INSL6: variants seen among roughly 807,000 people sequenced by gnomAD.
INSL6 encodes insulin-like peptide INSL6.
Under a neutral mutation model 9.4 loss-of-function variants are expected in INSL6, and 16 were observed. The ratio of observed to expected loss-of-function variants is 1.70; its 90% CI spans 1.15 to 2.59. The LOEUF is 2.59. INSL6 is among the 30% of genes most tolerant of loss of function. INSL6 has a pLI of 0.00. For missense variants in INSL6, 391 were observed against 257.3 expected, an observed-to-expected ratio of 1.52 and a Z score of -3.56; for synonymous variants, 154 against 96.9, an observed-to-expected ratio of 1.59 and a Z score of -3.46.
the INSL6 span, chr9:5,111,265 G>A: frequency 9.4e-5 from 47 of 499,538 alleles, no homozygotes; most frequent in South Asian, 8.2e-4. Context: ...GGCGTGCGCA[G>A]CCTGACTCAG....
chr9:5,167,705 GA>G (rs1371586642), intron 1 of INSL6, among the ~76,000 whole-genome samples: 2 of 152,176 alleles, frequency 1.3e-5, no homozygotes, highest in African/African-American at 4.8e-5. Context: ...TGGAGAGGGA[GA>G]TTTCTGCCAG....
intron 3 of INSL6, chr9:5,126,815 C>A: frequency 7.0e-7 from 1 of 1,428,174 alleles, no homozygotes; most frequent in Non-Finnish European, 9.8e-7. Flanking sequence ...CATTCTGAGA[C>A]CAAAGTAGAT....
At chr9:5,085,416 A>G in the INSL6 span, 7 of 765,954 alleles carry the variant, frequency 9.1e-6, no homozygotes, top group Admixed American at 1.7e-5. Context: ...CTGCTTTACA[A>G]CTGTTGGCTA....
At chr9:5,020,797 A>G in the INSL6 span, among the ~76,000 whole-genome samples, 1 of 152,044 alleles carries the variant, frequency 6.6e-6, no homozygotes, top group Non-Finnish European at 1.5e-5. Context: ...GCAGCCAGCA[A>G]TGGAGGTGAC....
At chr9:5,180,560 G>A (rs1426116958) in intron 1 of INSL6, among the ~76,000 whole-genome samples, 2 of 152,150 alleles carry the variant, frequency 1.3e-5, no homozygotes, top group African/African-American at 4.8e-5. Context: ...CTTCGGGAAT[G>A]TCTGTCTTAT....
the INSL6 span, chr9:5,069,321 G>T: frequency 1.5e-6 from 1 of 667,496 alleles, no homozygotes. Context: ...AGCTCTAAAA[G>T]TTAATTTTAT....
At chr9:5,126,614 T>G (rs1824016376) in intron 3 of INSL6, 1 of 1,138,938 alleles carries the variant, frequency 8.8e-7, no homozygotes, top group Non-Finnish European at 1.3e-6. Flanking sequence ...TATTGAAAAT[T>G]AATGTCTTCC....
At chr9:5,066,677 G>C in the INSL6 span, 1 of 1,544,348 alleles carries the variant, frequency 6.5e-7, no homozygotes, top group Non-Finnish European at 9.0e-7. Flanking sequence ...TTTACCTTTA[G>C]GATGGATTTT....
rs771927965 is a variant in INSL6 at position 5,149,655 on chromosome 9, T to C, written c.376+14524A>G. Among the ~76,000 whole-genome samples the C allele has an allele frequency of 3.9e-5, 6 of 152,204 alleles. No individual in the cohort carries two copies. The East Asian group carries it at 9.6e-4, about 24-fold the overall frequency. ...CTGAAATATCTTTAAAATGACCATA[T>C]TGCCCAAAGCAATATACAGATTAAA... On this transcript the variant is annotated intron_variant, in intron 2 of 3. Transcript: ENST00000649639.
chr9:5,143,742 C>CTCCA (rs1824547701), intron 2 of INSL6, among the ~76,000 whole-genome samples: 3 of 151,192 alleles, frequency 2.0e-5, no homozygotes, highest in Admixed American at 2.0e-4. Context: ...TCACTACAAC[C>CTCCA]TCCACCTGCT....
chr9:5,085,246 G>C, the INSL6 span: 1 of 674,584 alleles, frequency 1.5e-6, no homozygotes. Context: ...AGGACCAGTG[G>C]CTAACCTGAG....
chr9:5,122,124 G>C (rs956980436), downstream of INSL6, among the ~76,000 whole-genome samples: 2 of 152,116 alleles, frequency 1.3e-5, no homozygotes, highest in African/African-American at 4.8e-5. Context: ...GATTTGTGGA[G>C]ATTAGGAAAC....
chr9:4,997,103 AT>A, the INSL6 span, among the ~76,000 whole-genome samples: 2 of 148,468 alleles, frequency 1.3e-5, no homozygotes, highest in African/African-American at 2.5e-5. Context: ...TAATTTTTAT[AT>A]TTTTTTTTGT....
the INSL6 span, chr9:5,022,180 G>A: frequency 6.2e-7 from 1 of 1,614,084 alleles, no homozygotes. Context: ...GTATGTTGCA[G>A]AAGAAATCTG....
At chr9:5,095,531 T>C in the INSL6 span, among the ~76,000 whole-genome samples, 2 of 152,016 alleles carry the variant, frequency 1.3e-5, no homozygotes, top group African/African-American at 4.8e-5. Flanking sequence ...ACAGCCCTAG[T>C]AATAAAGCTA....
the INSL6 span, among the ~76,000 whole-genome samples, chr9:5,083,535 T>G: frequency 2.0e-5 from 3 of 152,236 alleles, no homozygotes; most frequent in East Asian, 5.8e-4. Flanking sequence ...TTATACAACT[T>G]AATCACAGTC....
the INSL6 span, among the ~76,000 whole-genome samples, chr9:5,072,795 A>G: frequency 6.6e-6 from 1 of 152,124 alleles, no homozygotes; most frequent in African/African-American, 2.4e-5. Context: ...CAGGGTTTGA[A>G]AATTACCGGA....
chr9:5,066,774 G>C, the INSL6 span: 1 of 1,547,694 alleles, frequency 6.5e-7, no homozygotes, highest in Non-Finnish European at 8.7e-7. Flanking sequence ...AATATTTTTT[G>C]ACTTTTGCTG....
chr9:5,151,719 C>CA (rs959816330), intron 2 of INSL6, among the ~76,000 whole-genome samples: 1 of 151,664 alleles, frequency 6.6e-6, no homozygotes, highest in Admixed American at 6.6e-5. Flanking sequence ...CAATAGAATG[C>CA]AAAAAAGGAC....
Sources: gnomAD v4.1 joint callset for allele counts (sites outside exome capture counted in the v4.1 genomes callset) on GRCh38, gnomAD v4.1.1 for gene constraint, MANE v1.5 for transcripts, NCBI Gene and HGNC (gene_info 2026-07-23, HGNC 2026-07-21) for gene names.